PIAS4: variants seen among roughly 807,000 people sequenced by gnomAD.
PIAS4 encodes the protein protein inhibitor of activated STAT 4.
PIAS4 carries 7 observed loss-of-function variants against 58.0 expected under a neutral mutation model. The observed-to-expected ratio is 0.12, with a 90% confidence interval of 0.07 to 0.23. The LOEUF is 0.23. PIAS4 is among the 10% of genes least tolerant of loss of function. PIAS4 has a pLI of 1.00. For missense variants in PIAS4, 550 were observed against 709.5 expected, an observed-to-expected ratio of 0.78 and a Z score of 2.55; for synonymous variants, 364 against 312.4, an observed-to-expected ratio of 1.17 and a Z score of -1.74.
chr19:4,032,253 G>A (rs1437831739), intron 7 of PIAS4, among the ~76,000 whole-genome samples: 1 of 152,212 alleles, frequency 6.6e-6, no homozygotes, highest in East Asian at 1.9e-4. Context: ...CAAGTCACTT[G>A]GGCAGGTGGC....
At chr19:4,029,469 G>A (rs2040201589) in intron 7 of PIAS4, among the ~76,000 whole-genome samples, 1 of 152,208 alleles carries the variant, frequency 6.6e-6, no homozygotes, top group Admixed American at 6.5e-5. Flanking sequence ...CAGGGTCGTG[G>A]AGGCAGTTGC....
Position 4,037,697 on chromosome 19 carries a change from C to A in PIAS4, c.1355C>A (p.Pro452Gln). 1 of 1,611,780 alleles carries A rather than the reference C, an allele frequency of 6.2e-7. No homozygotes were observed. The highest frequency in any genetic ancestry group is 8.5e-7 in the Non-Finnish European group (1 of 1,179,544). The change falls in exon 11 of 11, where the codon CCG (proline) becomes CAG (glutamine). Residue 452 changes from proline (P) to glutamine (Q), a missense_variant. Transcript: ENST00000262971. This position sits in a 1 kb window ranked among gnomAD's most constrained non-coding sequence, Gnocchi z 5.8. ...CTGGGCAGCACGGGTGGCGGCGGCC[C>A]GGTGGGCAGCATGGAGAATGGGAAG... ...GALGSTGGGG[P>Q]VGSMENGKPG...
rs767577652 is a variant in PIAS4, at chr19:4,028,985, C to G, written c.856C>G (p.Gln286Glu). ...GCAGCTGACCTCATCGGAGCTGCTG[C>G]AGAGGCTGAAGACCATTGGGGTAAA... ...VRQLTSSELLQRLKTIGVKHP... is the reference protein window; with the variant it reads ...VRQLTSSELLERLKTIGVKHP... The change falls in exon 7 of 11, where the codon CAG becomes GAG. Residue 286 changes from glutamine to glutamate, a missense_variant. Physicochemically the swap from Gln to Glu is conservative, Grantham distance 29. Around this residue, in one of 4 missense-constraint regions of PIAS4, gnomAD observed 225 missense variants for 345.8 expected, o/e 0.65. Coordinates refer to ENST00000262971, the MANE Select transcript of PIAS4 (RefSeq NM_015897.4). 1 of 1,610,966 alleles carries G rather than the reference C, an allele frequency of 6.2e-7. No individual in the cohort carries two copies. Among genetic ancestry groups the G allele is most frequent in the Non-Finnish European group, 8.5e-7 (1 of 1,179,156 alleles).
chr19:4,038,005 C>A lies in PIAS4; in HGVS notation c.*130C>A. ...TTCGTTTTGTTTTTCCACCCTTTTG[C>A]CTGGCTCCTGGCACCTGTACCTCTG... is the stretch of plus-strand genomic sequence containing the variant. On this transcript the variant is annotated 3_prime_UTR_variant, in exon 11 of 11. Coordinates refer to ENST00000262971, the MANE Select transcript of PIAS4 (RefSeq NM_015897.4). This position sits in a 1 kb window ranked among gnomAD's most constrained non-coding sequence, Gnocchi z 4.1. 2.2e-6 allele frequency: 2 copies of A among 905,290 alleles called. No homozygotes were observed. Among genetic ancestry groups the A allele is most frequent in the Non-Finnish European group, 3.3e-6 (2 of 607,612 alleles). The allele number at this position is 905,290 out of a possible 1,614,324, so 56.1% of individuals were successfully genotyped here.
chr19:4,010,447 C>A (rs2039982007), intron 1 of PIAS4, among the ~76,000 whole-genome samples: 1 of 152,234 alleles, frequency 6.6e-6, no homozygotes, highest in African/African-American at 2.4e-5. Flanking sequence ...AGGCTTTGGG[C>A]CACTTCCAGA....
In PIAS4 at chr19:4,037,141, C is replaced by T. The variant is rs1018152051; in HGVS notation, c.1143-233C>T. On this transcript the variant is annotated intron_variant, in intron 9 of 10. Transcript: ENST00000262971. This position sits in a 1 kb window ranked among gnomAD's most constrained non-coding sequence, Gnocchi z 5.8. ...CCACTGGGTATGTGTGTCCATGCCC[C>T]GTCCCCCCGGCAGTGCCGTGCACTG... 8.5e-5 allele frequency among the ~76,000 whole-genome samples: 13 copies of T among 152,358 alleles called. No individual in the cohort carries two copies. The highest frequency in any genetic ancestry group is 6.2e-4 in the South Asian group (3 of 4,828).
At chr19:4,023,634 G>A (rs1044349432) in intron 2 of PIAS4, among the ~76,000 whole-genome samples, 4 of 152,232 alleles carry the variant, frequency 2.6e-5, no homozygotes, top group Non-Finnish European at 4.4e-5. Flanking sequence ...CCACCCTGCA[G>A]GCAGGAGGAG....
chr19:4,023,086 C>A (rs1227931061), intron 2 of PIAS4, among the ~76,000 whole-genome samples: 1 of 150,330 alleles, frequency 6.7e-6, no homozygotes, highest in Non-Finnish European at 1.5e-5. Flanking sequence ...GCAGGAGGAT[C>A]ACTTGAACCC....
Position 4,039,289 on chromosome 19 carries a change from C to T in PIAS4, c.*1414C>T, listed in dbSNP as rs1330985236. The T allele has an allele frequency of 5.3e-5, 8 of 152,290 alleles. No individual in the cohort carries two copies. The highest frequency in any genetic ancestry group is 1.3e-4 in the Admixed American group (2 of 15,290). 9.4% of individuals were successfully genotyped at this position (152,290 alleles called of 1,614,324 possible). A position where few individuals can be genotyped will look rare whatever the true frequency, so the allele number is the denominator to read the frequency against. On this transcript the variant is annotated 3_prime_UTR_variant, in exon 11 of 11. Transcript: ENST00000262971. ...GCCCGCTGCGCAGCTCGGCCCCTCC[C>T]GCCCGCACGGGCAGCTGAAGGCCGC...
chr19:4,008,404 A>C (rs770941268), intron 1 of PIAS4, among the ~76,000 whole-genome samples: 60 of 151,632 alleles, frequency 4.0e-4, no homozygotes, highest in Non-Finnish European at 5.4e-4. Flanking sequence ...TGGGGTCTGG[A>C]GTTCAGGCTC....
chr19:4,031,020 T>C (rs1016605697), intron 7 of PIAS4, among the ~76,000 whole-genome samples: 1 of 152,140 alleles, frequency 6.6e-6, no homozygotes, highest in Non-Finnish European at 1.5e-5. Context: ...GGTGGCTGTT[T>C]TCAGGTGGAA....
rs2040135998 is a variant in PIAS4, at chr19:4,023,903, G to T, written c.455-133G>T. The T allele has an allele frequency of 4.4e-6, 3 of 682,190 alleles. No homozygotes were observed. In the South Asian group the frequency reaches 5.0e-5, roughly 11 times the overall value. The allele number at this position is 682,190 out of a possible 1,614,324, so 42.3% of individuals were successfully genotyped here. A position where few individuals can be genotyped will look rare whatever the true frequency, so the allele number is the denominator to read the frequency against. ...TCCTTCCTGGGCGGCCCCCACCTCT[G>T]CCCCACATATCTGTCCAGCCAACTT... is the stretch of plus-strand genomic sequence containing the variant. On this transcript the variant is annotated intron_variant, in intron 2 of 10. Transcript: ENST00000262971.
chr19:4,037,118 A>G lies in PIAS4; in HGVS notation c.1143-256A>G, dbSNP rs1339718900. Among the ~76,000 whole-genome samples the G allele has an allele frequency of 6.6e-6, 1 of 152,216 alleles. No individual in the cohort carries two copies. The highest frequency in any genetic ancestry group is 1.5e-5 in the Non-Finnish European group (1 of 68,038). On this transcript the variant is annotated intron_variant, in intron 9 of 10. Coordinates refer to ENST00000262971, the MANE Select transcript of PIAS4 (RefSeq NM_015897.4). The surrounding 1 kb of genome is among the most constrained non-coding windows in gnomAD (Gnocchi z 5.8). ...CTGCTCTTGTGGGTAGTTGGGGGCC[A>G]CTGGGTATGTGTGTCCATGCCCCGT...
intron 1 of PIAS4, among the ~76,000 whole-genome samples, chr19:4,009,193 T>TTCTTC (rs368118982): frequency 1.6e-4 from 25 of 152,150 alleles, no homozygotes; most frequent in African/African-American, 6.0e-4. Context: ...TGTACGTATC[T>TTCTTC]TCTTCTCGGT....
chr19:4,011,704 G>C (rs1266149219), intron 1 of PIAS4, among the ~76,000 whole-genome samples: 31 of 122,188 alleles, frequency 2.5e-4, no homozygotes, highest in Admixed American at 5.5e-4. Context: ...GTGTGGAGGT[G>C]TGTGGGGTGT....
chr19:4,021,751 T>C (rs999463761), intron 2 of PIAS4, among the ~76,000 whole-genome samples: 2 of 146,816 alleles, frequency 1.4e-5, no homozygotes, highest in African/African-American at 2.5e-5. Flanking sequence ...TCTTTTTTTT[T>C]TTTTTTTTTT....
rs776029917 is a variant in PIAS4 at position 4,028,173 on chromosome 19, G to C, written c.567G>C (p.Val189=). 1 of 1,612,814 alleles carries C rather than the reference G, an allele frequency of 6.2e-7. No homozygotes were observed. Among genetic ancestry groups the C allele is most frequent in the South Asian group, 1.1e-5 (1 of 91,082 alleles). ...SRELQPGVKA[V]QVVLRICYSD... ...AACTGCAGCCCGGAGTTAAAGCCGTGCAGGTCGTCCTGAGGTATGCCCAGG... is the reference window on the plus strand; with the variant it reads ...AACTGCAGCCCGGAGTTAAAGCCGTCCAGGTCGTCCTGAGGTATGCCCAGG... Residue 189 remains valine (V), a synonymous_variant, in exon 4 of 11, where the codon GTG becomes GTC. Coordinates refer to ENST00000262971, the MANE Select transcript of PIAS4 (RefSeq NM_015897.4).
chr19:4,032,486 C>T (rs972992500), intron 7 of PIAS4, among the ~76,000 whole-genome samples: 3 of 152,236 alleles, frequency 2.0e-5, no homozygotes, highest in Non-Finnish European at 2.9e-5. Flanking sequence ...GGCTGTGGGC[C>T]TGCTGCCCGT....
rs1293440587 is a variant in PIAS4 at position 4,037,380 on chromosome 19, C to T, written c.1149C>T (p.Leu383=). The T allele has an allele frequency of 6.2e-7, 1 of 1,604,646 alleles. No individual in the cohort carries two copies. Residue 383 remains leucine (L), a synonymous_variant, in exon 10 of 11, where the codon CTC becomes CTT. Coordinates refer to ENST00000262971, the MANE Select transcript of PIAS4 (RefSeq NM_015897.4). This position sits in a 1 kb window ranked among gnomAD's most constrained non-coding sequence, Gnocchi z 5.8. ...GCTGTCCGCCTCGCCCCAGGCTCCT[C>T]TCGAAGATCCTGAGCGAGTGTGAGG... ...PYDQLIIDGL[L]SKILSECEDA...
Sources: allele counts gnomAD v4.1 joint callset (sites outside exome capture counted in the v4.1 genomes callset), GRCh38; gene constraint gnomAD v4.1.1; regional missense constraint gnomAD v4.1.1; non-coding constraint Gnocchi (gnomAD v3.1); transcripts MANE v1.5; gene names NCBI Gene and HGNC (gene_info 2026-07-23, HGNC 2026-07-21).